Variants in XKR4 observed in about 807,000 individuals in gnomAD.
The protein encoded by XKR4 is XK related 4, also known as XK-related protein 4.
In XKR4, 12 loss-of-function variants were observed where a neutral mutation model predicts 53.9. The observed-to-expected ratio is 0.22, with a 90% CI of 0.14 to 0.36. The LOEUF is 0.36. XKR4 is among the 10% of genes least tolerant of loss of function. XKR4 has a pLI of 1.00. For synonymous variants in XKR4, 354 were observed against 362.4 expected, an observed-to-expected ratio of 0.98 and a Z score of 0.26; for missense variants, 799 against 859.5, an observed-to-expected ratio of 0.93 and a Z score of 0.88.
chr8:55,133,141 T>G (rs1263918042), intron 1 of XKR4, among the ~76,000 whole-genome samples: 1 of 152,220 alleles, frequency 6.6e-6, no homozygotes, highest in African/African-American at 2.4e-5. Context: ...TTATCTAAAT[T>G]CATGTTCAAG....
In XKR4 at chr8:55,528,097, G is replaced by C. The variant is rs980956786; in HGVS notation, c.*3870G>C. The C allele has an allele frequency of 6.6e-6, 1 of 152,146 alleles. No individual in the cohort carries two copies. Among genetic ancestry groups the C allele is most frequent in the Non-Finnish European group, 1.5e-5 (1 of 68,026 alleles). 9.4% of individuals were successfully genotyped at this position (152,146 alleles called of 1,614,324 possible). A position where few individuals can be genotyped will look rare whatever the true frequency, so the allele number is the denominator to read the frequency against. Reference sequence around the variant, plus strand: ...GAATGTATATAAAGTGGTATGTTATGCATATAAATTGTACATAAACTTTTT... The same window carrying C: ...GAATGTATATAAAGTGGTATGTTATCCATATAAATTGTACATAAACTTTTT... On this transcript the variant is annotated 3_prime_UTR_variant, in exon 3 of 3. Coordinates refer to ENST00000327381, the MANE Select transcript of XKR4 (RefSeq NM_052898.2).
chr8:55,372,487 G>T (rs950458907), intron 2 of XKR4, among the ~76,000 whole-genome samples: 5 of 151,856 alleles, frequency 3.3e-5, no homozygotes, highest in Non-Finnish European at 2.9e-5. Context: ...AAGGAAAGAC[G>T]GGTAAGGTCA....
At chr8:55,449,322 G>A (rs1375349643) in intron 2 of XKR4, among the ~76,000 whole-genome samples, 1 of 152,200 alleles carries the variant, frequency 6.6e-6, no homozygotes, top group Non-Finnish European at 1.5e-5. Context: ...CTGTGACGCC[G>A]AAATAAGTTA....
chr8:55,288,000 A>T (rs1273744314), intron 1 of XKR4, among the ~76,000 whole-genome samples: 1 of 152,152 alleles, frequency 6.6e-6, no homozygotes, highest in Non-Finnish European at 1.5e-5. Context: ...CCATGGCCTG[A>T]CACAAATTTG....
intron 1 of XKR4, among the ~76,000 whole-genome samples, chr8:55,284,980 G>T (rs1220475370): frequency 6.6e-6 from 1 of 151,986 alleles, no homozygotes; most frequent in Non-Finnish European, 1.5e-5. Flanking sequence ...GCAATCTCTC[G>T]CTTTGCTGCC....
chr8:55,338,117 G>T (rs898573844), intron 1 of XKR4, among the ~76,000 whole-genome samples: 1 of 152,162 alleles, frequency 6.6e-6, no homozygotes, highest in Non-Finnish European at 1.5e-5. Flanking sequence ...GAAAAGGGAA[G>T]GTCACATGGA....
intron 2 of XKR4, among the ~76,000 whole-genome samples, chr8:55,420,883 AT>A (rs1413751636): frequency 2.6e-5 from 4 of 152,182 alleles, no homozygotes; most frequent in Non-Finnish European, 5.9e-5. Context: ...ACACTTTTCT[AT>A]TTGGTTATCT....
At chr8:55,269,030 A>G (rs1227663068) in intron 1 of XKR4, among the ~76,000 whole-genome samples, 3 of 152,156 alleles carry the variant, frequency 2.0e-5, no homozygotes, top group Non-Finnish European at 4.4e-5. Context: ...AGTACCTCAG[A>G]TGTTTCCTTT....
At chr8:55,259,497 T>C (rs996960180) in intron 1 of XKR4, among the ~76,000 whole-genome samples, 8 of 152,118 alleles carry the variant, frequency 5.3e-5, no homozygotes, top group South Asian at 2.1e-4. Flanking sequence ...AGTGGTGAGG[T>C]TGGGGTTTGC....
intron 1 of XKR4, among the ~76,000 whole-genome samples, chr8:55,163,563 A>C (rs1349782039): frequency 3.3e-5 from 5 of 152,210 alleles, no homozygotes; most frequent in African/African-American, 1.2e-4. Context: ...TATAAATATT[A>C]GAATGGGCAT....
chr8:55,275,622 G>C (rs1413248708), intron 1 of XKR4, among the ~76,000 whole-genome samples: 1 of 152,136 alleles, frequency 6.6e-6, no homozygotes, highest in African/African-American at 2.4e-5. Context: ...ATCTAGATCT[G>C]CAACATTGAT....
chr8:55,208,827 C>G (rs1817684938), intron 1 of XKR4, among the ~76,000 whole-genome samples: 1 of 152,114 alleles, frequency 6.6e-6, no homozygotes, highest in South Asian at 2.1e-4. Context: ...CGCAGTTTGT[C>G]CCCTGCAAGC....
chr8:55,193,361 G>T (rs1374037908), intron 1 of XKR4, among the ~76,000 whole-genome samples: 1 of 151,368 alleles, frequency 6.6e-6, no homozygotes, highest in South Asian at 2.1e-4. Flanking sequence ...AGGTCTCTCC[G>T]CCACCCCACT....
At chr8:55,452,033 C>G (rs2939635) in intron 2 of XKR4, 330,513 of 749,516 alleles carry the variant, frequency 0.44, 74,966 homozygotes, top group East Asian at 0.51. Flanking sequence ...GGTTCCAGGA[C>G]AGGGTTCTGA....
At chr8:55,436,450 A>G (rs1647305050) in intron 2 of XKR4, among the ~76,000 whole-genome samples, 2 of 152,210 alleles carry the variant, frequency 1.3e-5, no homozygotes, top group African/African-American at 4.8e-5. Context: ...ACCAAATTAG[A>G]ATGGTGTTGC....
In XKR4 at chr8:55,451,608, G is replaced by A. The variant is rs1394246412; in HGVS notation, c.1007-71673G>A. The A allele has an allele frequency of 1.4e-5, 21 of 1,459,420 alleles. No homozygotes were observed. In the Admixed American group the frequency reaches 2.1e-4, roughly 15 times the overall value. 90.4% of individuals were successfully genotyped at this position (1,459,420 alleles called of 1,614,324 possible). On this transcript the variant is annotated intron_variant, in intron 2 of 2. Transcript: ENST00000327381. The stretch of plus-strand genomic sequence containing the variant: ...GGATGCGCCAGCAGACAACGGTGAA[G>A]CGGTTCTGGCGGTAGCAGTAGGACA...
chr8:55,239,762 T>C (rs1237485748), intron 1 of XKR4, among the ~76,000 whole-genome samples: 1 of 152,182 alleles, frequency 6.6e-6, no homozygotes, highest in African/African-American at 2.4e-5. Flanking sequence ...TGACATCCCT[T>C]CTTCAATTAT....
chr8:55,324,002 A>G (rs1803256390), intron 1 of XKR4, among the ~76,000 whole-genome samples: 1 of 151,996 alleles, frequency 6.6e-6, no homozygotes, highest in Non-Finnish European at 1.5e-5. Context: ...TCATTTACTT[A>G]AATGTGTTTG....
chr8:55,127,949 A>G (rs1175478902), intron 1 of XKR4, among the ~76,000 whole-genome samples: 1 of 151,964 alleles, frequency 6.6e-6, no homozygotes, highest in East Asian at 1.9e-4. Flanking sequence ...CATGGTGTAT[A>G]TGTGCCACAT....
Sources: allele counts gnomAD v4.1 joint callset (sites outside exome capture counted in the v4.1 genomes callset), GRCh38; gene constraint gnomAD v4.1.1; transcripts MANE v1.5; gene names NCBI Gene and HGNC (gene_info 2026-07-23, HGNC 2026-07-21).